The following UBE2R2 variants were observed in gnomAD, a reference collection of about 807,000 sequenced individuals.
The protein encoded by UBE2R2 is ubiquitin-conjugating enzyme E2 R2.
UBE2R2 carries 1 observed loss-of-function variant against 27.8 expected under a neutral mutation model. The ratio of observed to expected loss-of-function variants is 0.04; its 90% confidence interval spans 0.01 to 0.17. The LOEUF (loss-of-function observed/expected upper bound fraction) is 0.17, where lower values mean the gene tolerates loss of function less well. Ranked by LOEUF, UBE2R2 falls within the 10% of genes least tolerant of loss-of-function variation. The probability of loss-of-function intolerance (pLI) is 1.00; values close to 1 mark genes in which losing one functional copy is unlikely to be tolerated. For missense variants in UBE2R2, 100 were observed against 291.0 expected (o/e 0.34, Z 4.78); for synonymous variants, 106 against 113.3 (o/e 0.94, Z 0.41).
chr9:33,831,656 T>G (rs1389110067), intron 1 of UBE2R2, among the ~76,000 whole-genome samples: 3 of 151,774 alleles, frequency 2.0e-5, no homozygotes, highest in African/African-American at 7.3e-5. Flanking sequence ...TTTTATTTAT[T>G]TTATTTTATT....
At chr9:33,912,360 C>T (rs1467847743) in intron 4 of UBE2R2, among the ~76,000 whole-genome samples, 1 of 152,112 alleles carries the variant, frequency 6.6e-6, no homozygotes, top group Non-Finnish European at 1.5e-5. Flanking sequence ...CATGGTGGCT[C>T]ATGCCTGTAA....
At chr9:33,887,081 T>C in intron 2 of UBE2R2, 114 bp downstream of exon 2, 2 of 835,334 alleles carry the variant, frequency 2.4e-6, no homozygotes, top group Middle Eastern at 2.7e-4. Flanking sequence ...CATAGAGAAA[T>C]ATTAATGATT....
rs764314089 is a variant in UBE2R2 at position 33,827,052 on chromosome 9, A to C, written c.177+9118A>C. Among the ~76,000 whole-genome samples, 7 of 152,230 alleles carry C rather than the reference A, an allele frequency of 4.6e-5. No individual in the cohort carries two copies. In the South Asian group the frequency reaches 1.0e-3, roughly 22 times the overall value. On this transcript the variant is annotated intron_variant, in intron 1 of 4. Coordinates refer to ENST00000263228, the MANE Select transcript of UBE2R2 (RefSeq NM_017811.4). ...AGGAAGCGGAGGCTGCAGTGAGCCG[A>C]GATCGCGCCACTGCGCTCCAGCCTG...
At chr9:33,829,751 A>G (rs1820402958) in intron 1 of UBE2R2, among the ~76,000 whole-genome samples, 1 of 134,350 alleles carries the variant, frequency 7.4e-6, no homozygotes, top group African/African-American at 2.9e-5. Context: ...AGTGAGTGCT[A>G]TTTTTTAACC....
In UBE2R2 at chr9:33,903,884, A is replaced by G. The variant is rs577364835; in HGVS notation, c.362+3613A>G. Among the ~76,000 whole-genome samples the G allele has an allele frequency of 5.3e-5, 8 of 152,318 alleles. No homozygotes were observed. In the South Asian group the frequency reaches 1.2e-3, roughly 24 times the overall value. On this transcript the variant is annotated intron_variant, in intron 3 of 4. Coordinates refer to ENST00000263228, the MANE Select transcript of UBE2R2 (RefSeq NM_017811.4). ...CAACTAGTTATGTGGAGTTACACCT[A>G]ACATCTTCACACAGCTCTACAAGGT...
chr9:33,824,350 G>A (rs996326655), intron 1 of UBE2R2, among the ~76,000 whole-genome samples: 1 of 151,026 alleles, frequency 6.6e-6, no homozygotes, highest in East Asian at 1.9e-4. Flanking sequence ...AAATTAGCTG[G>A]TGTGGGCCGG....
At chr9:33,844,989 G>A (rs1273835420) in intron 1 of UBE2R2, among the ~76,000 whole-genome samples, 4 of 151,798 alleles carry the variant, frequency 2.6e-5, no homozygotes, top group Non-Finnish European at 5.9e-5. Context: ...GGCTGGTCTT[G>A]AACTCCTGAC....
At chr9:33,823,239 T>C (rs1284588658) in intron 1 of UBE2R2, among the ~76,000 whole-genome samples, 1 of 152,016 alleles carries the variant, frequency 6.6e-6, no homozygotes, top group Non-Finnish European at 1.5e-5. Context: ...AGTCTCGCTA[T>C]GTTGTCCAGG....
chr9:33,828,891 G>A (rs1046788359), intron 1 of UBE2R2, among the ~76,000 whole-genome samples: 1 of 152,116 alleles, frequency 6.6e-6, no homozygotes, highest in Non-Finnish European at 1.5e-5. Context: ...ACGCTGCCAT[G>A]CCTGGATACT....
At chr9:33,837,768 G>T (rs1265896784) in intron 1 of UBE2R2, among the ~76,000 whole-genome samples, 1 of 151,992 alleles carries the variant, frequency 6.6e-6, no homozygotes, top group Admixed American at 6.6e-5. Context: ...TGCCCAGGCT[G>T]GTCTCAAACT....
At chr9:33,912,137 C>A (rs929970069) in intron 4 of UBE2R2, 39 bp downstream of exon 4, 3 of 1,535,604 alleles carry the variant, frequency 2.0e-6, no homozygotes, top group Non-Finnish European at 1.8e-6. Flanking sequence ...TTATACAAAA[C>A]CAAAATATAT....
rs2130690021 is a variant in UBE2R2 at position 33,817,197 on chromosome 9, C to G, written c.-561C>G. On this transcript the variant is annotated 5_prime_UTR_variant, in exon 1 of 5. Transcript: ENST00000263228. ...CGTTGCTCCCGCGGCGCGAGGCGCTCTCGCTCTCCTCCTCCTCCGCCGTCG... is the reference window on the plus strand; with the variant it reads ...CGTTGCTCCCGCGGCGCGAGGCGCTGTCGCTCTCCTCCTCCTCCGCCGTCG... 6.7e-6 allele frequency among the ~76,000 whole-genome samples: 1 copy of G among 149,452 alleles called. No individual in the cohort carries two copies. The highest frequency in any genetic ancestry group is 2.1e-4 in the South Asian group (1 of 4,680).
At chr9:33,842,147 C>G (rs1220322359) in intron 1 of UBE2R2, among the ~76,000 whole-genome samples, 1 of 152,064 alleles carries the variant, frequency 6.6e-6, no homozygotes, top group African/African-American at 2.4e-5. Flanking sequence ...TACTTGTAAT[C>G]CCAGCACTTT....
intron 1 of UBE2R2, among the ~76,000 whole-genome samples, chr9:33,824,450 C>A (rs1587423651): frequency 1.3e-5 from 2 of 152,092 alleles, no homozygotes; most frequent in South Asian, 4.1e-4. Context: ...TCCTGGCTAA[C>A]GTGGTGAAAC....
At chr9:33,881,125 C>G (rs1337969078) in intron 1 of UBE2R2, among the ~76,000 whole-genome samples, 1 of 152,186 alleles carries the variant, frequency 6.6e-6, no homozygotes, top group Non-Finnish European at 1.5e-5. Flanking sequence ...AGTGCACACA[C>G]AGTTAATATT....
chr9:33,879,474 G>C (rs1203896855), intron 1 of UBE2R2, among the ~76,000 whole-genome samples: 1 of 152,022 alleles, frequency 6.6e-6, no homozygotes, highest in Non-Finnish European at 1.5e-5. Flanking sequence ...TTTTTTCTGA[G>C]ACAGGGTCTT....
chr9:33,886,781 G>T, intron 1 of UBE2R2, 100 bp from the exon 2 acceptor site: 1 of 961,788 alleles, frequency 1.0e-6, no homozygotes, highest in Admixed American at 3.5e-5. Flanking sequence ...TTTACTCTAT[G>T]AAAGGAGCTT....
chr9:33,916,569 A>T (rs1358972308), intron 4 of UBE2R2, among the ~76,000 whole-genome samples: 1 of 152,222 alleles, frequency 6.6e-6, no homozygotes, highest in Admixed American at 6.5e-5. Flanking sequence ...TCTAGCCCCA[A>T]GAAACTAGGA....
intron 1 of UBE2R2, among the ~76,000 whole-genome samples, chr9:33,849,841 A>G (rs928077831): frequency 6.6e-6 from 1 of 152,096 alleles, no homozygotes; most frequent in African/African-American, 2.4e-5. Context: ...CAGCCTGGGC[A>G]ACAGAACCAG....
Sources: gnomAD v4.1 joint callset for allele counts (sites outside exome capture counted in the v4.1 genomes callset) on GRCh38, gnomAD v4.1.1 for gene constraint, MANE v1.5 for transcripts, NCBI Gene and HGNC (gene_info 2026-07-23, HGNC 2026-07-21) for gene names.